The following IPCEF1 variants were observed in gnomAD, a reference collection of about 807,000 sequenced individuals.
IPCEF1 encodes the protein interactor protein for cytohesin exchange factors 1.
In IPCEF1, 31 loss-of-function variants were observed where a neutral mutation model predicts 50.9. That is an observed-to-expected ratio of 0.61 (90% CI 0.46 to 0.82). The LOEUF is 0.82. Ranked by LOEUF, IPCEF1 falls within the 40% of genes least tolerant of loss-of-function variation. The probability of loss-of-function intolerance (pLI) is 0.00; values close to 1 mark genes in which losing one functional copy is unlikely to be tolerated. For missense variants in IPCEF1, 458 were observed against 514.0 expected, an observed-to-expected ratio of 0.89 and a Z score of 1.05; for synonymous variants, 181 against 192.0, an observed-to-expected ratio of 0.94 and a Z score of 0.47.
chr6:154,211,088 G>A (rs1399893168), intron 9 of IPCEF1, among the ~76,000 whole-genome samples: 1 of 152,138 alleles, frequency 6.6e-6, no homozygotes, highest in Non-Finnish European at 1.5e-5. Context: ...CCATCATTTG[G>A]GTCTATAATG....
chr6:154,306,426 C>T (rs1469155942), intron 1 of IPCEF1, among the ~76,000 whole-genome samples: 3 of 152,074 alleles, frequency 2.0e-5, no homozygotes, highest in Admixed American at 1.3e-4. Flanking sequence ...TTTGTAGAGA[C>T]AGGGTCTCTC....
At chr6:154,344,769 T>C (rs919309437) in intron 1 of IPCEF1, among the ~76,000 whole-genome samples, 16 of 152,194 alleles carry the variant, frequency 1.1e-4, no homozygotes, top group Non-Finnish European at 2.1e-4. Context: ...ACAGAAGTTA[T>C]TATTCAACTT....
chr6:154,334,719 G>A (rs1277024140), intron 1 of IPCEF1, among the ~76,000 whole-genome samples: 1 of 152,206 alleles, frequency 6.6e-6, no homozygotes, highest in Admixed American at 6.5e-5. Context: ...CTAGTAGAAT[G>A]GCCTTGGACA....
chr6:154,264,625 C>G (rs1434839161), intron 3 of IPCEF1, among the ~76,000 whole-genome samples: 2 of 152,130 alleles, frequency 1.3e-5, no homozygotes, highest in African/African-American at 4.8e-5. Flanking sequence ...CCACCCACCT[C>G]GGCCTGCCAA....
Position 154,352,748 on chromosome 6 carries a change from G to C in IPCEF1, c.-62+3924C>G, listed in dbSNP as rs1483658226. On this transcript the variant is annotated intron_variant, in intron 1 of 11. Transcript: ENST00000367220. ...GACCTGCTGGCCCTGTGAGACGGCA[G>C]GGCCAAGATTCTAACAACAGGAATG... 4.6e-5 allele frequency among the ~76,000 whole-genome samples: 7 copies of C among 152,308 alleles called. No individual in the cohort carries two copies. In the East Asian group the frequency reaches 1.2e-3, roughly 25 times the overall value.
chr6:154,345,888 T>TG (rs1381821182), intron 1 of IPCEF1, among the ~76,000 whole-genome samples: 1 of 152,118 alleles, frequency 6.6e-6, no homozygotes, highest in Non-Finnish European at 1.5e-5. Flanking sequence ...TTTTGTGAGA[T>TG]GGGGTCTCAC....
At chr6:154,334,043 C>T (rs187398342) in intron 1 of IPCEF1, among the ~76,000 whole-genome samples, 2 of 151,882 alleles carry the variant, frequency 1.3e-5, no homozygotes, top group Non-Finnish European at 2.9e-5. Context: ...AAACACATGG[C>T]GTAGCTTCAT....
At position 154,212,393 on chromosome 6, in the gene IPCEF1, A is replaced by G. The variant is rs926355347; in HGVS notation, c.537+377T>C. On this transcript the variant is annotated intron_variant, in intron 9 of 11. Coordinates refer to ENST00000367220, the MANE Select transcript of IPCEF1 (RefSeq NM_001130700.2). ...TCTGCTCTTTTTTCATCCTAAATTCATTTTGCATTGTTATAGTACATGCAC... is the reference window on the plus strand; with the variant it reads ...TCTGCTCTTTTTTCATCCTAAATTCGTTTTGCATTGTTATAGTACATGCAC... Among the ~76,000 whole-genome samples the G allele has an allele frequency of 2.0e-5, 3 of 152,016 alleles. No individual in the cohort carries two copies. The South Asian group carries it at 6.2e-4, about 32-fold the overall frequency.
intron 2 of IPCEF1, among the ~76,000 whole-genome samples, chr6:154,272,572 ACT>A (rs1781925388): frequency 6.6e-6 from 1 of 152,220 alleles, no homozygotes; most frequent in Non-Finnish European, 1.5e-5. Context: ...TTCCTGATCA[ACT>A]CTGTAACTGA....
At chr6:154,318,595 T>C (rs936545371) in intron 1 of IPCEF1, among the ~76,000 whole-genome samples, 1 of 151,684 alleles carries the variant, frequency 6.6e-6, no homozygotes, top group Non-Finnish European at 1.5e-5. Context: ...CTCACGCCTC[T>C]AGTCTCAGCA....
intron 10 of IPCEF1, among the ~76,000 whole-genome samples, chr6:154,191,537 G>A (rs1038768301): frequency 2.6e-5 from 4 of 152,046 alleles, no homozygotes; most frequent in African/African-American, 7.2e-5. Flanking sequence ...AGCTGGGCAT[G>A]GTGGCGAGCG....
At chr6:154,212,701 A>T in intron 9 of IPCEF1, 69 bp downstream of exon 9, 1 of 1,053,050 alleles carries the variant, frequency 9.5e-7, no homozygotes, top group Non-Finnish European at 1.5e-6. Flanking sequence ...GCTACTTCCT[A>T]TTCAATTGGA....
chr6:154,282,105 G>A (rs1782229128), intron 2 of IPCEF1, among the ~76,000 whole-genome samples: 1 of 152,032 alleles, frequency 6.6e-6, no homozygotes, highest in Non-Finnish European at 1.5e-5. Context: ...GGAAGCGGAG[G>A]TGGCAATGAG....
chr6:154,226,998 A>G (rs1477218388), intron 5 of IPCEF1, among the ~76,000 whole-genome samples: 1 of 152,032 alleles, frequency 6.6e-6, no homozygotes, highest in East Asian at 1.9e-4. Flanking sequence ...GGAGTTTGAG[A>G]CTAGCCTGGC....
At chr6:154,345,505 A>G (rs1485803217) in intron 1 of IPCEF1, among the ~76,000 whole-genome samples, 1 of 152,216 alleles carries the variant, frequency 6.6e-6, no homozygotes, top group East Asian at 1.9e-4. Flanking sequence ...ATACAAGCCA[A>G]TTAAGAATAA....
intron 8 of IPCEF1, among the ~76,000 whole-genome samples, chr6:154,213,518 C>G (rs1481182178): frequency 1.3e-5 from 2 of 152,182 alleles, no homozygotes; most frequent in Non-Finnish European, 2.9e-5. Flanking sequence ...TGTTTCAAAT[C>G]AAGTTGCCAC....
intron 10 of IPCEF1, among the ~76,000 whole-genome samples, chr6:154,186,531 G>C (rs1201665790): frequency 6.6e-6 from 1 of 152,046 alleles, no homozygotes; most frequent in Non-Finnish European, 1.5e-5. Context: ...TCCGTGCACG[G>C]AGCCAGAGCA....
intron 1 of IPCEF1, among the ~76,000 whole-genome samples, chr6:154,317,068 TACTC>T (rs1377913452): frequency 1.3e-5 from 2 of 152,084 alleles, no homozygotes; most frequent in African/African-American, 4.8e-5. Context: ...AAAGATTTCT[TACTC>T]AGGATACGGA....
chr6:154,188,909 C>T (rs1801618707), intron 10 of IPCEF1, among the ~76,000 whole-genome samples: 1 of 151,718 alleles, frequency 6.6e-6, no homozygotes, highest in Non-Finnish European at 1.5e-5. Flanking sequence ...TTTAAGATAC[C>T]AGTGTAGGGA....
Sources: gnomAD v4.1 joint callset for allele counts (sites outside exome capture counted in the v4.1 genomes callset) on GRCh38, gnomAD v4.1.1 for gene constraint, MANE v1.5 for transcripts, NCBI Gene and HGNC (gene_info 2026-07-23, HGNC 2026-07-21) for gene names.